PPARGC1A: variants seen among roughly 807,000 people sequenced by gnomAD.
The protein encoded by PPARGC1A is peroxisome proliferator-activated receptor gamma coactivator 1-alpha.
PPARGC1A carries 25 observed loss-of-function variants against 88.7 expected under a neutral mutation model. That is an observed-to-expected ratio of 0.28 (90% CI 0.21 to 0.39). The LOEUF (loss-of-function observed/expected upper bound fraction) is 0.39, where lower values mean the gene tolerates loss of function less well. Among genes scored for constraint, PPARGC1A ranks in the 10% least tolerant of loss-of-function variants. The probability of loss-of-function intolerance (pLI) is 1.00; values close to 1 mark genes in which losing one functional copy is unlikely to be tolerated. For missense variants in PPARGC1A, 880 were observed against 968.7 expected, an observed-to-expected ratio of 0.91 and a Z score of 1.22; for synonymous variants, 363 against 355.6, an observed-to-expected ratio of 1.02 and a Z score of -0.24.
chr4:24,437,605 TGTTG>T, the PPARGC1A span, among the ~76,000 whole-genome samples: 1 of 142,138 alleles, frequency 7.0e-6, no homozygotes, highest in Non-Finnish European at 1.5e-5. Context: ...TTGTTGTTGT[TGTTG>T]TTGTTGTTGT....
intron 2 of PPARGC1A, chr4:23,881,289 T>A (rs2148821423): frequency 6.6e-6 from 1 of 152,316 alleles, no homozygotes; most frequent in Admixed American, 6.5e-5. Context: ...TTAAAGTGGC[T>A]TCTGAATCGT....
chr4:24,467,048 G>A, the PPARGC1A span, among the ~76,000 whole-genome samples: 36 of 102,624 alleles, frequency 3.5e-4, no homozygotes, highest in African/African-American at 4.4e-4. Context: ...GAGAGAGAGA[G>A]AAAAAGAAAG....
chr4:23,824,231 A>C, intron 7 of PPARGC1A, 49 bp downstream of exon 7: 1 of 1,468,230 alleles, frequency 6.8e-7, no homozygotes. Flanking sequence ...ACACACACAC[A>C]CATATACAGA....
At chr4:24,383,939 T>A in the PPARGC1A span, among the ~76,000 whole-genome samples, 1 of 151,878 alleles carries the variant, frequency 6.6e-6, no homozygotes, top group African/African-American at 2.4e-5. Flanking sequence ...TTCACCAAGG[T>A]TGAAATGAAG....
At chr4:24,268,537 AAG>A in the PPARGC1A span, among the ~76,000 whole-genome samples, 1 of 152,198 alleles carries the variant, frequency 6.6e-6, no homozygotes, top group Admixed American at 6.5e-5. Context: ...TAAGTAATAC[AAG>A]GTGCATGCAG....
intron 2 of PPARGC1A, among the ~76,000 whole-genome samples, chr4:23,853,233 T>C (rs578093135): frequency 2.0e-5 from 3 of 152,252 alleles, no homozygotes; most frequent in Admixed American, 6.5e-5. Context: ...TAGTTTTTAG[T>C]GGCAGGCACT....
At chr4:24,308,912 A>C in the PPARGC1A span, among the ~76,000 whole-genome samples, 1 of 152,192 alleles carries the variant, frequency 6.6e-6, no homozygotes, top group African/African-American at 2.4e-5. Flanking sequence ...TGATACAAAT[A>C]GGGAAAAATC....
chr4:23,827,221 GC>G (rs1724117859), intron 5 of PPARGC1A, among the ~76,000 whole-genome samples: 1 of 152,140 alleles, frequency 6.6e-6, no homozygotes, highest in Non-Finnish European at 1.5e-5. Context: ...CTAATGGAAA[GC>G]CATTTTAAAA....
chr4:24,186,781 G>A, the PPARGC1A span, among the ~76,000 whole-genome samples: 1 of 151,590 alleles, frequency 6.6e-6, no homozygotes, highest in Non-Finnish European at 1.5e-5. Context: ...CATGGGCAGG[G>A]CTGCCAGGAG....
chr4:24,188,544 A>G, the PPARGC1A span, among the ~76,000 whole-genome samples: 1 of 152,152 alleles, frequency 6.6e-6, no homozygotes, highest in Non-Finnish European at 1.5e-5. Flanking sequence ...GAAGAAATGA[A>G]CTACCTGGAT....
the PPARGC1A span, among the ~76,000 whole-genome samples, chr4:24,155,469 C>G: frequency 6.6e-6 from 1 of 151,696 alleles, no homozygotes; most frequent in Non-Finnish European, 1.5e-5. Context: ...CAAAACGTAG[C>G]GTGCACCTGT....
At chr4:23,869,474 G>A (rs1290195083) in intron 2 of PPARGC1A, among the ~76,000 whole-genome samples, 4 of 152,146 alleles carry the variant, frequency 2.6e-5, no homozygotes, top group Admixed American at 2.6e-4. Context: ...GCCAGAATCA[G>A]TCAAGAGAGT....
At chr4:23,900,179 A>T (rs1442694538), upstream of PPARGC1A, among the ~76,000 whole-genome samples, 1 of 152,182 alleles carries the variant, frequency 6.6e-6, no homozygotes, top group African/African-American at 2.4e-5. Context: ...CTCATCTATC[A>T]AAAAATAGAA....
At chr4:23,922,831 C>A in the PPARGC1A span, among the ~76,000 whole-genome samples, 1 of 152,198 alleles carries the variant, frequency 6.6e-6, no homozygotes, top group African/African-American at 2.4e-5. Flanking sequence ...CTTCCACACG[C>A]AATTTACTAA....
chr4:24,399,150 C>G, the PPARGC1A span, among the ~76,000 whole-genome samples: 1 of 152,322 alleles, frequency 6.6e-6, no homozygotes, highest in South Asian at 2.1e-4. Context: ...AGCGAAAACT[C>G]AGCTTATGCT....
chr4:23,890,867 C>T (rs539933172), upstream of PPARGC1A, among the ~76,000 whole-genome samples: 4 of 152,260 alleles, frequency 2.6e-5, no homozygotes, highest in Admixed American at 2.0e-4. Flanking sequence ...GTCGCTGCTG[C>T]TCTGCTCAGA....
chr4:24,168,559 T>C, the PPARGC1A span, among the ~76,000 whole-genome samples: 4 of 151,782 alleles, frequency 2.6e-5, no homozygotes, highest in Non-Finnish European at 5.9e-5. Flanking sequence ...GGGCAGGAAA[T>C]ATACAAAAAT....
At chr4:23,879,270 A>C (rs891970808) in intron 2 of PPARGC1A, among the ~76,000 whole-genome samples, 1 of 152,222 alleles carries the variant, frequency 6.6e-6, no homozygotes, top group Non-Finnish European at 1.5e-5. Context: ...CCACAGGCAC[A>C]GTCAGAAGCA....
chr4:23,803,203 T>C (rs2109357023), intron 10 of PPARGC1A, among the ~76,000 whole-genome samples: 1 of 152,192 alleles, frequency 6.6e-6, no homozygotes, highest in East Asian at 1.9e-4. Flanking sequence ...GGGCTTTATC[T>C]AGTTGTACTA....
Sources: allele counts gnomAD v4.1 joint callset (sites outside exome capture counted in the v4.1 genomes callset), GRCh38; gene constraint gnomAD v4.1.1; transcripts MANE v1.5; gene names NCBI Gene and HGNC (gene_info 2026-07-23, HGNC 2026-07-21).